MAST4: variants seen among roughly 807,000 people sequenced by gnomAD.
MAST4 encodes the protein microtubule-associated serine/threonine-protein kinase 4.
Under a neutral mutation model 162.7 loss-of-function variants are expected in MAST4, and 89 were observed. The observed-to-expected ratio is 0.55, with a 90% confidence interval of 0.46 to 0.65. The LOEUF is 0.65. Among genes scored for constraint, MAST4 ranks in the 30% least tolerant of loss-of-function variants. The probability of loss-of-function intolerance (pLI) is 0.00; values close to 1 mark genes in which losing one functional copy is unlikely to be tolerated. For missense variants in MAST4, 3,153 were observed against 3,374.0 expected, an observed-to-expected ratio of 0.93 and a Z score of 1.62; for synonymous variants, 1,479 against 1,361.1, an observed-to-expected ratio of 1.09 and a Z score of -1.91.
In MAST4 at chr5:67,028,988, C is replaced by A. The variant is rs556723248; in HGVS notation, c.675-25416C>A. Among the ~76,000 whole-genome samples, 4 of 152,050 alleles carry A rather than the reference C, an allele frequency of 2.6e-5. No individual in the cohort carries two copies. In the East Asian group the frequency reaches 7.7e-4, roughly 29 times the overall value. ...TACAAAAATAAAAGATAAATAAATT[C>A]GCTAGGCATGGTGTCATGTGCCTGT... On this transcript the variant is annotated intron_variant, in intron 4 of 28. Transcript: ENST00000403625.
chr5:66,935,024 C>G (rs148704911), intron 4 of MAST4, among the ~76,000 whole-genome samples: 286 of 152,290 alleles, frequency 1.9e-3, no homozygotes, highest in African/African-American at 6.4e-3. Context: ...CACTTAGTAG[C>G]TGTATGACTT....
In MAST4 at chr5:67,100,673, G is replaced by T. The variant is rs1764930861; in HGVS notation, c.1070+81G>T. On this transcript the variant is annotated intron_variant, in intron 8 of 28. Coordinates refer to ENST00000403625, the MANE Select transcript of MAST4 (RefSeq NM_001164664.2). Reference sequence around the variant, plus strand: ...TTTGAGTGAACACTTCGGTCCTTTAGGTCATATGTGTGTTAACTGACTTGC... The same window carrying T: ...TTTGAGTGAACACTTCGGTCCTTTATGTCATATGTGTGTTAACTGACTTGC... 2.0e-6 allele frequency: 3 copies of T among 1,526,718 alleles called. No homozygotes were observed. The Admixed American group carries it at 5.3e-5, about 27-fold the overall frequency. The allele number at this position is 1,526,718 out of a possible 1,614,324, so 94.6% of individuals were successfully genotyped here. A position where few individuals can be genotyped will look rare whatever the true frequency, so the allele number is the denominator to read the frequency against.
chr5:67,079,778 C>T (rs528194542), intron 5 of MAST4, among the ~76,000 whole-genome samples: 20 of 152,152 alleles, frequency 1.3e-4, no homozygotes, highest in African/African-American at 4.8e-4. Context: ...CGAAGGTTGC[C>T]CCTGCAAAGC....
chr5:66,726,102 A>G (rs1424441183), intron 1 of MAST4, among the ~76,000 whole-genome samples: 1 of 151,984 alleles, frequency 6.6e-6, no homozygotes, highest in Non-Finnish European at 1.5e-5. Context: ...AGAGAAACCA[A>G]TGGAGGGAGC....
chr5:67,117,739 TTAAATAAAACA>T (rs1409674600), intron 12 of MAST4, among the ~76,000 whole-genome samples: 2 of 152,018 alleles, frequency 1.3e-5, no homozygotes, highest in African/African-American at 4.8e-5. Context: ...TTCATGTTTT[TTAAATAAAACA>T]TGATTTTTTT....
chr5:66,986,357 C>A, intron 4 of MAST4: 1 of 908,170 alleles, frequency 1.1e-6, no homozygotes, highest in Admixed American at 2.3e-5. Context: ...TATGTTGTTA[C>A]ACAGAGAAAT....
At chr5:66,604,559 G>T (rs758167286) in intron 1 of MAST4, among the ~76,000 whole-genome samples, 14 of 152,190 alleles carry the variant, frequency 9.2e-5, no homozygotes, top group African/African-American at 2.2e-4. Context: ...TTTTCAGTGG[G>T]CAGCAGGATC....
chr5:66,788,890 C>A (rs1755251741), intron 3 of MAST4, 96 bp downstream of exon 3: 1 of 1,370,746 alleles, frequency 7.3e-7, no homozygotes, highest in African/African-American at 1.5e-5. Context: ...TAAACTTACC[C>A]ACATGTGACG....
Position 66,744,650 on chromosome 5 carries a change from A to G in MAST4, c.364-15059A>G, listed in dbSNP as rs547198739. ...AATGCATGTCTTACATGGCAGGAAC[A>G]GGAGCAAAGGGATGCTACATACTTT... On this transcript the variant is annotated intron_variant, in intron 1 of 28. Transcript: ENST00000403625. 5.3e-5 allele frequency among the ~76,000 whole-genome samples: 8 copies of G among 152,292 alleles called. No homozygotes were observed. In the East Asian group the frequency reaches 1.5e-3, roughly 29 times the overall value.
chr5:66,623,730 T>G (rs866754529), intron 1 of MAST4, among the ~76,000 whole-genome samples: 14 of 152,206 alleles, frequency 9.2e-5, no homozygotes, highest in African/African-American at 3.1e-4. Flanking sequence ...CCATATGTCA[T>G]CACTTCTCTT....
At chr5:66,608,547 T>C (rs947041711) in intron 1 of MAST4, among the ~76,000 whole-genome samples, 1 of 151,990 alleles carries the variant, frequency 6.6e-6, no homozygotes, top group Non-Finnish European at 1.5e-5. Context: ...TATGTCTCTG[T>C]CAGTATCCCT....
chr5:66,919,276 A>G (rs1373747496), intron 4 of MAST4, among the ~76,000 whole-genome samples: 1 of 152,188 alleles, frequency 6.6e-6, no homozygotes, highest in Non-Finnish European at 1.5e-5. Flanking sequence ...AAGACCAAAA[A>G]AGGATAGTCA....
intron 1 of MAST4, among the ~76,000 whole-genome samples, chr5:66,625,922 A>C (rs1339807773): frequency 6.6e-6 from 1 of 152,226 alleles, no homozygotes; most frequent in African/African-American, 2.4e-5. Flanking sequence ...AATGTGGTAT[A>C]TATGTGTACA....
intron 2 of MAST4, among the ~76,000 whole-genome samples, chr5:66,762,865 C>T (rs573659867): frequency 6.2e-4 from 95 of 152,308 alleles, no homozygotes; most frequent in African/African-American, 2.2e-3. Flanking sequence ...ACCAATTATC[C>T]TTGATAAGGT....
chr5:67,151,155 T>C (rs1655014645), intron 24 of MAST4, among the ~76,000 whole-genome samples: 1 of 152,192 alleles, frequency 6.6e-6, no homozygotes, highest in South Asian at 2.1e-4. Context: ...TTCACGTAGA[T>C]GAAACAAGGA....
chr5:66,962,446 G>A (rs148525861), intron 4 of MAST4, among the ~76,000 whole-genome samples: 81 of 152,340 alleles, frequency 5.3e-4, no homozygotes, highest in African/African-American at 1.8e-3. Flanking sequence ...GGTGGCTTAC[G>A]CCTGTAATCC....
At chr5:66,854,997 C>T (rs753083930) in intron 3 of MAST4, among the ~76,000 whole-genome samples, 57 of 152,296 alleles carry the variant, frequency 3.7e-4, no homozygotes, top group South Asian at 1.0e-3. Context: ...ACAGAGACTT[C>T]ATCCTGTTTA....
intron 4 of MAST4, among the ~76,000 whole-genome samples, chr5:67,011,193 C>A (rs1260231490): frequency 6.6e-6 from 1 of 152,114 alleles, no homozygotes; most frequent in Non-Finnish European, 1.5e-5. Flanking sequence ...TCCCACACAC[C>A]ACCTCTTGCT....
chr5:67,161,124 T>C (rs1341708810), intron 27 of MAST4, among the ~76,000 whole-genome samples: 1 of 152,242 alleles, frequency 6.6e-6, no homozygotes, highest in Non-Finnish European at 1.5e-5. Flanking sequence ...TATCTTTTTG[T>C]GCTGCTTGCA....
Sources: allele counts gnomAD v4.1 joint callset (sites outside exome capture counted in the v4.1 genomes callset), GRCh38; gene constraint gnomAD v4.1.1; transcripts MANE v1.5; gene names NCBI Gene and HGNC (gene_info 2026-07-23, HGNC 2026-07-21).